The following SYN3 variants were observed in gnomAD, a reference collection of about 807,000 sequenced individuals.
The protein encoded by SYN3 is synapsin-3.
SYN3 carries 35 observed loss-of-function variants against 65.8 expected under a neutral mutation model. The ratio of observed to expected loss-of-function variants is 0.53; its 90% CI spans 0.41 to 0.70. SYN3 has a LOEUF of 0.70. Ranked by LOEUF, SYN3 falls within the 30% of genes least tolerant of loss-of-function variation. The pLI is 0.00. For missense variants in SYN3, 680 were observed against 749.0 expected, an observed-to-expected ratio of 0.91 and a Z score of 1.08; for synonymous variants, 270 against 292.9, an observed-to-expected ratio of 0.92 and a Z score of 0.80.
chr22:32,930,805 T>C (rs2050606579), intron 4 of SYN3, among the ~76,000 whole-genome samples: 2 of 152,222 alleles, frequency 1.3e-5, no homozygotes, highest in African/African-American at 4.8e-5. Flanking sequence ...TTATACATTC[T>C]TGTCATTTTT....
intron 6 of SYN3, among the ~76,000 whole-genome samples, chr22:32,765,177 G>A (rs1569207048): frequency 6.6e-6 from 1 of 152,128 alleles, no homozygotes; most frequent in Non-Finnish European, 1.5e-5. Context: ...CAGTGGTGAG[G>A]GTCACTCAGA....
chr22:32,780,991 T>C (rs2046043012), intron 6 of SYN3, among the ~76,000 whole-genome samples: 1 of 130,202 alleles, frequency 7.7e-6, no homozygotes, highest in Admixed American at 8.1e-5. Context: ...CCTTCCTTCC[T>C]CTCTCTCACC....
intron 6 of SYN3, among the ~76,000 whole-genome samples, chr22:32,829,956 C>G (rs1417824650): frequency 3.3e-5 from 5 of 152,228 alleles, no homozygotes. Flanking sequence ...TGCTGGGCCT[C>G]TCTCTGCATT....
intron 6 of SYN3, among the ~76,000 whole-genome samples, chr22:32,745,050 G>A (rs1200573561): frequency 6.6e-6 from 1 of 150,956 alleles, no homozygotes; most frequent in African/African-American, 2.5e-5. Flanking sequence ...GGAAGAAACG[G>A]CACTCTTCTG....
chr22:32,587,425 G>A (rs907576971), intron 7 of SYN3, among the ~76,000 whole-genome samples: 1 of 151,974 alleles, frequency 6.6e-6, no homozygotes, highest in Non-Finnish European at 1.5e-5. Flanking sequence ...TCGTGGGTGG[G>A]TGCCTCTTCT....
intron 1 of SYN3, among the ~76,000 whole-genome samples, chr22:33,019,760 C>CAG (rs1447372897): frequency 6.6e-6 from 1 of 152,164 alleles, no homozygotes; most frequent in East Asian, 1.9e-4. Context: ...GCTGGGACTA[C>CAG]AGGCACGTGC....
chr22:32,819,695 C>G (rs1381268284), intron 6 of SYN3, among the ~76,000 whole-genome samples: 1 of 152,168 alleles, frequency 6.6e-6, no homozygotes. Context: ...TAAGCACACT[C>G]TAGGGGCCGC....
intron 4 of SYN3, among the ~76,000 whole-genome samples, chr22:32,928,980 T>TA (rs572019679): frequency 9.3e-5 from 14 of 150,334 alleles, no homozygotes; most frequent in Non-Finnish European, 1.5e-4. Flanking sequence ...AAGTTGTGTT[T>TA]AAAAAAAAAA....
At chr22:32,761,255 G>C (rs2033292884) in intron 6 of SYN3, among the ~76,000 whole-genome samples, 1 of 152,208 alleles carries the variant, frequency 6.6e-6, no homozygotes, top group African/African-American at 2.4e-5. Context: ...CCAAGTTGAG[G>C]GGATTGGACT....
chr22:32,932,294 T>C (rs185322240), intron 3 of SYN3, among the ~76,000 whole-genome samples: 117 of 147,726 alleles, frequency 7.9e-4, no homozygotes, highest in African/African-American at 2.7e-3. Flanking sequence ...TCTTGCTCCA[T>C]CCATCTGGTT....
At chr22:32,699,154 C>G (rs2060777938) in intron 6 of SYN3, among the ~76,000 whole-genome samples, 1 of 152,194 alleles carries the variant, frequency 6.6e-6, no homozygotes, top group African/African-American at 2.4e-5. Flanking sequence ...AGCACATTGA[C>G]AGAGTTGGCC....
chr22:32,689,862 G>A (rs2060639617), intron 6 of SYN3, among the ~76,000 whole-genome samples: 1 of 152,112 alleles, frequency 6.6e-6, no homozygotes, highest in Admixed American at 6.5e-5. Flanking sequence ...TTCATGAATG[G>A]GTTCTCAGTG....
intron 6 of SYN3, among the ~76,000 whole-genome samples, chr22:32,824,627 T>C (rs1198882379): frequency 6.6e-6 from 1 of 152,204 alleles, no homozygotes; most frequent in East Asian, 1.9e-4. Context: ...GGCATGCATG[T>C]ATGATATAAA....
chr22:32,576,729 T>C (rs2058856638), intron 7 of SYN3, among the ~76,000 whole-genome samples: 1 of 152,108 alleles, frequency 6.6e-6, no homozygotes, highest in Non-Finnish European at 1.5e-5. Context: ...CCTTGCTTCC[T>C]GCCTGGGTAC....
chr22:32,629,564 G>A (rs1260130464), intron 6 of SYN3: 1 of 152,284 alleles, frequency 6.6e-6, no homozygotes, highest in Non-Finnish European at 1.5e-5. Context: ...TTGGTGGGCA[G>A]GGATTGGCTT....
rs545509559 is a variant in SYN3, at chr22:32,761,290, C to A, written c.711+103625G>T. ...TAGTTGATTACCAAAAGCTCTCTTT[C>A]CTTTGGTTTTTATGAGGAGCAGGAG... On this transcript the variant is annotated intron_variant, in intron 6 of 13. Coordinates refer to ENST00000358763, the MANE Select transcript of SYN3 (RefSeq NM_003490.4). Among the ~76,000 whole-genome samples the A allele has an allele frequency of 1.3e-4, 20 of 152,266 alleles. No homozygotes were observed. The South Asian group carries it at 4.2e-3, about 32-fold the overall frequency.
rs1036863335 is a variant in SYN3, at chr22:32,603,651, G to A, written c.712-6915C>T. Among the ~76,000 whole-genome samples the A allele has an allele frequency of 2.6e-4, 40 of 152,086 alleles. 3 individuals are homozygous for A. The highest frequency in any genetic ancestry group is 2.2e-3 in the Admixed American group (34 of 15,286). ...TTCCCAAGCTGTTCAAATGGGTGTC[G>A]AAGGCCATTCCCACTTCTACCCCTT... On this transcript the variant is annotated intron_variant, in intron 6 of 13. Coordinates refer to ENST00000358763, the MANE Select transcript of SYN3 (RefSeq NM_003490.4).
intron 6 of SYN3, among the ~76,000 whole-genome samples, chr22:32,687,955 G>GT (rs35497853): frequency 0.021 from 4 of 192 alleles, no homozygotes; most frequent in African/African-American, 0.062. Context: ...CACAGCAATC[G>GT]CACAGCCATA....
At chr22:32,922,682 C>T (rs1028687909) in intron 4 of SYN3, among the ~76,000 whole-genome samples, 5 of 152,082 alleles carry the variant, frequency 3.3e-5, no homozygotes, top group Admixed American at 2.6e-4. Flanking sequence ...TCCAGACATA[C>T]ATCCCATCCG....
Sources: gnomAD v4.1 joint callset for allele counts (sites outside exome capture counted in the v4.1 genomes callset) on GRCh38, gnomAD v4.1.1 for gene constraint, MANE v1.5 for transcripts, NCBI Gene and HGNC (gene_info 2026-07-23, HGNC 2026-07-21) for gene names.